TMPRSS11D: variants seen among roughly 807,000 people sequenced by gnomAD.
TMPRSS11D encodes transmembrane protease serine 11D.
A neutral mutation model predicts 44.4 loss-of-function variants in TMPRSS11D; 32 were observed. The observed-to-expected ratio is 0.72, with a 90% confidence interval of 0.54 to 0.97. The LOEUF (loss-of-function observed/expected upper bound fraction) is 0.97. Ranked by LOEUF, TMPRSS11D falls within the 50% of genes least tolerant of loss-of-function variation. The pLI, the probability that TMPRSS11D is intolerant of heterozygous loss-of-function variation, is 0.00. For missense variants in TMPRSS11D, 446 were observed against 502.6 expected, an observed-to-expected ratio of 0.89 and a Z score of 1.08; for synonymous variants, 179 against 177.9, an observed-to-expected ratio of 1.01 and a Z score of -0.05.
In TMPRSS11D at chr4:67,842,609, T is replaced by G. The variant is rs757646020; in HGVS notation, c.266A>C (p.Lys89Thr). 6.2e-7 allele frequency: 1 copy of G among 1,606,636 alleles called. No individual in the cohort carries two copies. The highest frequency in any genetic ancestry group is 1.7e-5 in the Admixed American group (1 of 58,050). Residue 89 changes from lysine to threonine, a missense_variant, in exon 4 of 10, where the codon AAA becomes ACA. Physicochemically the swap from Lys to Thr is moderately conservative, Grantham distance 78 (BLOSUM62 -1). Coordinates refer to ENST00000283916, the MANE Select transcript of TMPRSS11D (RefSeq NM_004262.3). ...GAACTGATTTCTTAAATTTGATTCTTTGAATGTTTTAGTAATCTGTAGAAA... is the reference window on the plus strand; with the variant it reads ...GAACTGATTTCTTAAATTTGATTCTGTGAATGTTTTAGTAATCTGTAGAAA... Reference protein sequence around the residue: ...RIESLITKTFKESNLRNQFIR... With the variant: ...RIESLITKTFTESNLRNQFIR...
At chr4:67,834,072 C>T (rs991067754) in intron 6 of TMPRSS11D, among the ~76,000 whole-genome samples, 4 of 152,214 alleles carry the variant, frequency 2.6e-5, no homozygotes, top group Non-Finnish European at 2.9e-5. Flanking sequence ...TCAAAGAGCT[C>T]GTGAATAGTC....
chr4:67,835,424 T>A (rs1718056176), intron 5 of TMPRSS11D, among the ~76,000 whole-genome samples: 1 of 152,124 alleles, frequency 6.6e-6, no homozygotes, highest in South Asian at 2.1e-4. Context: ...AGTTACTCAA[T>A]TTATATGGGA....
chr4:67,859,622 A>G lies in TMPRSS11D; in HGVS notation c.65T>C (p.Ile22Thr), dbSNP rs1237417289. The G allele has an allele frequency of 6.2e-7, 1 of 1,613,324 alleles. No individual in the cohort carries two copies. Among genetic ancestry groups the G allele is most frequent in the South Asian group, 1.1e-5 (1 of 91,064 alleles). ...CAGGATCACTACCCCTGCGACGACA[A>G]TGAAACATACTACATATGGATTCAG... is the stretch of plus-strand genomic sequence containing the variant. The part of the protein sequence containing the change: ...RFLNPYVVCF[I>T]VVAGVVILAV... The change falls in exon 2 of 10, where the codon ATT (isoleucine) becomes ACT (threonine). Residue 22 changes from isoleucine (I) to threonine (T), a missense_variant. Transcript: ENST00000283916.
chr4:67,863,561 A>C (rs1718847123), intron 1 of TMPRSS11D, among the ~76,000 whole-genome samples: 1 of 152,010 alleles, frequency 6.6e-6, no homozygotes, highest in Non-Finnish European at 1.5e-5. Context: ...TCTTTAATTG[A>C]TTTTAAACTT....
chr4:67,834,595 T>G (rs75338565), intron 6 of TMPRSS11D, among the ~76,000 whole-genome samples: 1 of 152,148 alleles, frequency 6.6e-6, no homozygotes, highest in Non-Finnish European at 1.5e-5. Context: ...AGGATGATGT[T>G]GAAGAGTAGT....
intron 1 of TMPRSS11D, among the ~76,000 whole-genome samples, chr4:67,877,717 C>T (rs1330028795): frequency 6.6e-6 from 1 of 152,192 alleles, no homozygotes; most frequent in African/African-American, 2.4e-5. Flanking sequence ...CTTGACACCT[C>T]TCTCATCCCT....
At chr4:67,844,833 G>T (rs1283883272) in intron 3 of TMPRSS11D, among the ~76,000 whole-genome samples, 1 of 152,062 alleles carries the variant, frequency 6.6e-6, no homozygotes, top group Non-Finnish European at 1.5e-5. Context: ...CTATGATCTA[G>T]AATTAACCAT....
intron 9 of TMPRSS11D, among the ~76,000 whole-genome samples, chr4:67,825,249 T>C (rs1717763441): frequency 6.6e-6 from 1 of 151,930 alleles, no homozygotes; most frequent in Admixed American, 6.6e-5. Context: ...TAGTGATTAA[T>C]TTTTTATTTA....
intron 1 of TMPRSS11D, among the ~76,000 whole-genome samples, chr4:67,875,152 G>A (rs1577833657): frequency 6.6e-6 from 1 of 152,116 alleles, no homozygotes; most frequent in East Asian, 1.9e-4. Flanking sequence ...AATGAACAGA[G>A]TTCCAAGGTC....
intron 3 of TMPRSS11D, among the ~76,000 whole-genome samples, chr4:67,851,748 T>C (rs1718515477): frequency 6.6e-6 from 1 of 152,220 alleles, no homozygotes; most frequent in African/African-American, 2.4e-5. Context: ...TTCTAGCCAA[T>C]GGCACCATTA....
Position 67,859,543 on chromosome 4 carries a change from G to A in TMPRSS11D, c.130+14C>T, listed in dbSNP as rs183575646. On this transcript the variant is annotated intron_variant, in intron 2 of 9. Coordinates refer to ENST00000283916, the MANE Select transcript of TMPRSS11D (RefSeq NM_004262.3). Reference sequence around the variant, plus strand: ...GCTATTAAATCTGAAGAGTAATAATGTTCTGGTACTTACCAAAAGCTAAAA... The same window carrying A: ...GCTATTAAATCTGAAGAGTAATAATATTCTGGTACTTACCAAAAGCTAAAA... 1.2e-6 allele frequency: 2 copies of A among 1,612,330 alleles called. No individual in the cohort carries two copies. The highest frequency in any genetic ancestry group is 1.3e-5 in the African/African-American group (1 of 74,960).
At chr4:67,846,952 C>T (rs1177235224) in intron 3 of TMPRSS11D, among the ~76,000 whole-genome samples, 1 of 151,268 alleles carries the variant, frequency 6.6e-6, no homozygotes, top group Non-Finnish European at 1.5e-5. Context: ...GTTGCCCAGG[C>T]TGGAGTGCAA....
At chr4:67,847,398 A>G (rs556717301) in intron 3 of TMPRSS11D, among the ~76,000 whole-genome samples, 3 of 152,336 alleles carry the variant, frequency 2.0e-5, no homozygotes, top group Admixed American at 1.3e-4. Context: ...ATTACATATT[A>G]GGGTTATTAC....
intron 7 of TMPRSS11D, among the ~76,000 whole-genome samples, chr4:67,829,560 T>C (rs1717894104): frequency 6.6e-6 from 1 of 151,776 alleles, no homozygotes; most frequent in Non-Finnish European, 1.5e-5. Flanking sequence ...AAATCAAAAT[T>C]AGATATACCA....
chr4:67,827,540 T>C lies in TMPRSS11D; in HGVS notation c.693-20A>G. On this transcript the variant is annotated intron_variant, in intron 7 of 9. Coordinates refer to ENST00000283916, the MANE Select transcript of TMPRSS11D (RefSeq NM_004262.3). ...GAGTTGCTAAAACATTATGAAAACA[T>C]GCTATATGAGTAGGGAATTTGTGAA... 3 of 1,565,782 alleles carry C rather than the reference T, an allele frequency of 1.9e-6. No individual in the cohort carries two copies. Among genetic ancestry groups the C allele is most frequent in the Non-Finnish European group, 2.6e-6 (3 of 1,156,928 alleles).
chr4:67,840,351 C>A (rs1718204005), intron 4 of TMPRSS11D, among the ~76,000 whole-genome samples: 1 of 152,012 alleles, frequency 6.6e-6, no homozygotes, highest in Non-Finnish European at 1.5e-5. Context: ...AATCTAATCA[C>A]CTCCCACAAG....
At position 67,832,081 on chromosome 4, in the gene TMPRSS11D, C is replaced by A. The variant is rs79219945; in HGVS notation, c.692+1123G>T. 4.8e-3 allele frequency among the ~76,000 whole-genome samples: 731 copies of A among 152,062 alleles called. 9 individuals carry two copies. Among genetic ancestry groups the A allele is most frequent in the African/African-American group, 0.017 (693 of 41,502 alleles). ...AATATATTAACATTTCAAGGATAAG[C>A]AGATTGATCAGATACTCATAGGTAG... is the stretch of plus-strand genomic sequence containing the variant. On this transcript the variant is annotated intron_variant, in intron 7 of 9. Coordinates refer to ENST00000283916, the MANE Select transcript of TMPRSS11D (RefSeq NM_004262.3).
intron 1 of TMPRSS11D, among the ~76,000 whole-genome samples, chr4:67,879,194 A>C (rs1719262309): frequency 1.3e-5 from 2 of 151,876 alleles, no homozygotes; most frequent in Non-Finnish European, 2.9e-5. Context: ...GAAGAAAAAC[A>C]TTTAAGGCTG....
At chr4:67,839,762 T>C (rs1718185355) in intron 4 of TMPRSS11D, among the ~76,000 whole-genome samples, 1 of 151,886 alleles carries the variant, frequency 6.6e-6, no homozygotes, top group African/African-American at 2.4e-5. Context: ...TTCATAAGCA[T>C]GGGCCTGGCT....
Sources: gnomAD v4.1 joint callset for allele counts (sites outside exome capture counted in the v4.1 genomes callset) on GRCh38, gnomAD v4.1.1 for gene constraint, MANE v1.5 for transcripts, NCBI Gene and HGNC (gene_info 2026-07-23, HGNC 2026-07-21) for gene names.